Variants in SPATA21 observed in about 807,000 individuals in gnomAD.
The protein encoded by SPATA21 is spermatogenesis associated 21, also known as spermatogenesis-associated protein 21.
SPATA21 carries 47 observed loss-of-function variants against 54.8 expected under a neutral mutation model. The observed-to-expected ratio is 0.86, with a 90% CI of 0.68 to 1.09. SPATA21 has a LOEUF of 1.09. Among genes scored for constraint, SPATA21 ranks in the 50% least tolerant of loss-of-function variants. The pLI is 0.00. For synonymous variants in SPATA21, 245 were observed against 235.3 expected, an observed-to-expected ratio of 1.04 and a Z score of -0.38; for missense variants, 599 against 596.4, an observed-to-expected ratio of 1.00 and a Z score of -0.05.
At position 16,421,573 on chromosome 1, in the gene SPATA21, AC is replaced by A. The variant is rs2086172709; in HGVS notation, c.96-17del. 1 of 1,609,514 alleles carries A rather than the reference AC, an allele frequency of 6.2e-7. No individual in the cohort carries two copies. Among genetic ancestry groups the A allele is most frequent in the Non-Finnish European group, 8.5e-7 (1 of 1,178,458 alleles). Reference sequence around the variant, plus strand: ...AGCCTCACCCCTGAATAGAAGAGAAACCCCCAGGTGGGGGAAGCGCTCAGCT... The same window carrying A: ...AGCCTCACCCCTGAATAGAAGAGAAACCCCAGGTGGGGGAAGCGCTCAGCT... On this transcript the variant is annotated splice_polypyrimidine_tract_variant and intron_variant, in intron 4 of 12. Coordinates refer to ENST00000335496, the MANE Select transcript of SPATA21 (RefSeq NM_198546.1). This position sits in a 1 kb window ranked among gnomAD's most constrained non-coding sequence, Gnocchi z 5.2.
chr1:16,398,817 T>G lies in SPATA21; in HGVS notation c.1358A>C (p.His453Pro), dbSNP rs751216678. 6.2e-7 allele frequency: 1 copy of G among 1,612,916 alleles called. No individual in the cohort carries two copies. Among genetic ancestry groups the G allele is most frequent in the Non-Finnish European group, 8.5e-7 (1 of 1,179,616 alleles). ...FQSGSQGNREHNSDSRKWLSS... is the reference protein window; with the variant it reads ...FQSGSQGNREPNSDSRKWLSS... ...GAGCCACTTTCTGCTGTCAGAGTTG[T>G]GTTCCCTGGGGAGAGGAGTAGGGCA... Residue 453 changes from histidine (H) to proline (P), a missense_variant, in exon 13 of 13, where the codon CAC (histidine) becomes CCC (proline). Transcript: ENST00000335496.
chr1:16,401,108 G>T (rs773746402), intron 10 of SPATA21, among the ~76,000 whole-genome samples: 1 of 152,160 alleles, frequency 6.6e-6, no homozygotes, highest in Non-Finnish European at 1.5e-5. Flanking sequence ...GAGGGAAGGG[G>T]TTCTCTCTAC....
intron 5 of SPATA21, among the ~76,000 whole-genome samples, chr1:16,415,244 G>A (rs960437487): frequency 6.6e-6 from 1 of 152,174 alleles, no homozygotes; most frequent in African/African-American, 2.4e-5. Context: ...GGGCTAAGGT[G>A]GGAGGATCAC....
chr1:16,397,907 C>CA, downstream of SPATA21: 1 of 457,226 alleles, frequency 2.2e-6, no homozygotes, highest in Non-Finnish European at 2.9e-6. The surrounding 1 kb of genome is among the most constrained non-coding windows in gnomAD (Gnocchi z 5.4). Flanking sequence ...CCCTGGTAAG[C>CA]AGAGACTCAA....
intron 5 of SPATA21, among the ~76,000 whole-genome samples, chr1:16,413,386 T>C (rs2085909258): frequency 6.6e-6 from 1 of 152,236 alleles, no homozygotes; most frequent in South Asian, 2.1e-4. Flanking sequence ...CTATTGTACG[T>C]ACAGACCACA....
chr1:16,403,684 C>T (rs1414228216), intron 10 of SPATA21, 43 bp downstream of exon 10: 2 of 1,548,496 alleles, frequency 1.3e-6, no homozygotes, highest in East Asian at 4.5e-5. Flanking sequence ...GATGCCACCT[C>T]TGTGTCCACA....
chr1:16,420,086 G>A (rs1404887752), intron 5 of SPATA21, among the ~76,000 whole-genome samples: 3 of 152,042 alleles, frequency 2.0e-5, no homozygotes, highest in African/African-American at 7.2e-5. Context: ...AACTAGGGAG[G>A]GAGACTGGGA....
At chr1:16,432,979 A>C (rs879600274) in intron 1 of SPATA21, 55 bp from the exon 2 acceptor site, 1 of 152,224 alleles carries the variant, frequency 6.6e-6, no homozygotes, top group Non-Finnish European at 1.5e-5. Flanking sequence ...CCGATACCAC[A>C]TGGCCAGTCT....
At chr1:16,431,174 C>A in intron 3 of SPATA21, 164 bp downstream of exon 3, 1 of 1,484,734 alleles carries the variant, frequency 6.7e-7, no homozygotes, top group Admixed American at 2.4e-5. Context: ...GGGGAGGAAG[C>A]CTGGGCAGGG....
chr1:16,404,154 A>C, intron 8 of SPATA21, 115 bp from the exon 9 acceptor site: 1 of 830,212 alleles, frequency 1.2e-6, no homozygotes. Flanking sequence ...AGCAGTGCAT[A>C]CTCAATGCAG....
chr1:16,432,748 C>T (rs1014414760), intron 2 of SPATA21, 42 bp downstream of exon 2: 1 of 152,282 alleles, frequency 6.6e-6, no homozygotes, highest in African/African-American at 2.4e-5. Flanking sequence ...GGAGTAAATC[C>T]TAACCCCCAT....
chr1:16,415,378 T>C (rs969269824), intron 5 of SPATA21, among the ~76,000 whole-genome samples: 3 of 152,086 alleles, frequency 2.0e-5, no homozygotes, highest in African/African-American at 7.2e-5. Flanking sequence ...CATTGTGATA[T>C]TGGGGCCCAA....
intron 1 of SPATA21, among the ~76,000 whole-genome samples, chr1:16,435,642 G>A (rs1328122531): frequency 6.6e-6 from 1 of 150,828 alleles, no homozygotes; most frequent in Admixed American, 6.6e-5. Context: ...TTTCAGACAG[G>A]GTCTTACTCT....
chr1:16,413,175 A>G (rs1289890154), intron 5 of SPATA21, among the ~76,000 whole-genome samples: 1 of 151,784 alleles, frequency 6.6e-6, no homozygotes, highest in Non-Finnish European at 1.5e-5. Flanking sequence ...TTAAATAATA[A>G]CCTCCCATCA....
At chr1:16,422,423 A>G (rs570295318) in intron 3 of SPATA21, among the ~76,000 whole-genome samples, 169 of 152,240 alleles carry the variant, frequency 1.1e-3, no homozygotes, top group Non-Finnish European at 1.4e-3. Flanking sequence ...TACCCAAAGA[A>G]CCACACTTCC....
intron 2 of SPATA21, 67 bp from the exon 3 acceptor site, chr1:16,431,489 T>G: frequency 2.1e-6 from 3 of 1,460,476 alleles, no homozygotes; most frequent in Non-Finnish European, 2.8e-6. Context: ...AGGAGCCCAC[T>G]TGGAGCCTAT....
chr1:16,422,434 C>G (rs1246827947), intron 3 of SPATA21, among the ~76,000 whole-genome samples: 1 of 152,008 alleles, frequency 6.6e-6, no homozygotes, highest in Non-Finnish European at 1.5e-5. Context: ...CCACACTTCC[C>G]TATGGGAGTG....
rs1459627596 is a variant in SPATA21 at position 16,437,158 on chromosome 1, T to G, written c.-217A>C. 1 of 152,296 alleles carries G rather than the reference T, an allele frequency of 6.6e-6. No homozygotes were observed. The highest frequency in any genetic ancestry group is 2.4e-5 in the African/African-American group (1 of 41,456). The allele number at this position is 152,296 out of a possible 1,614,324, so 9.4% of individuals were successfully genotyped here. A position where few individuals can be genotyped will look rare whatever the true frequency, so the allele number is the denominator to read the frequency against. On this transcript the variant is annotated 5_prime_UTR_variant, in exon 1 of 13. Transcript: ENST00000335496. ...ATCAGCTGGATGAGTCACAGTGAGA[T>G]TTTCCACCCCTGCTCACCGCCTTGC...
In SPATA21 at chr1:16,421,587, G is replaced by T; in HGVS notation, c.96-30C>A. On this transcript the variant is annotated intron_variant, in intron 4 of 12. Coordinates refer to ENST00000335496, the MANE Select transcript of SPATA21 (RefSeq NM_198546.1). This position sits in a 1 kb window ranked among gnomAD's most constrained non-coding sequence, Gnocchi z 5.2. ...ATAGAAGAGAAACCCCCAGGTGGGGGAAGCGCTCAGCTGAAGGTTTGCCCC... is the reference window on the plus strand; with the variant it reads ...ATAGAAGAGAAACCCCCAGGTGGGGTAAGCGCTCAGCTGAAGGTTTGCCCC... 6.2e-7 allele frequency: 1 copy of T among 1,606,244 alleles called. No homozygotes were observed. Among genetic ancestry groups the T allele is most frequent in the Non-Finnish European group, 8.5e-7 (1 of 1,176,206 alleles).
Sources: gnomAD v4.1 joint callset for allele counts (sites outside exome capture counted in the v4.1 genomes callset) on GRCh38, gnomAD v4.1.1 for gene constraint, Gnocchi (gnomAD v3.1) non-coding constraint, MANE v1.5 for transcripts, NCBI Gene and HGNC (gene_info 2026-07-23, HGNC 2026-07-21) for gene names.